Variants in FOXN3 observed in about 807,000 individuals in gnomAD.
The protein encoded by FOXN3 is forkhead box N3, also known as forkhead box protein N3.
Under a neutral mutation model 38.4 loss-of-function variants are expected in FOXN3, and 7 were observed. The observed-to-expected ratio is 0.18, with a 90% CI of 0.10 to 0.34. The LOEUF (loss-of-function observed/expected upper bound fraction) is 0.34. Among genes scored for constraint, FOXN3 ranks in the 10% least tolerant of loss-of-function variants. The pLI, the probability that FOXN3 is intolerant of heterozygous loss-of-function variation, is 1.00. For missense variants in FOXN3, 456 were observed against 613.4 expected (o/e 0.74, Z 2.71); for synonymous variants, 230 against 242.2 (o/e 0.95, Z 0.47).
intron 3 of FOXN3, among the ~76,000 whole-genome samples, chr14:89,292,846 G>T (rs938531727): frequency 6.6e-6 from 1 of 152,018 alleles, no homozygotes; most frequent in African/African-American, 2.4e-5. Flanking sequence ...CCTCTCCACC[G>T]CACGACCTCC....
intron 4 of FOXN3, among the ~76,000 whole-genome samples, chr14:89,192,530 T>A (rs1887983086): frequency 1.6e-5 from 2 of 128,764 alleles, no homozygotes; most frequent in South Asian, 5.1e-4. Flanking sequence ...TTTATAATAG[T>A]TGTATATAAC....
chr14:89,169,389 T>G (rs1283120539), intron 5 of FOXN3, among the ~76,000 whole-genome samples: 3 of 152,094 alleles, frequency 2.0e-5, no homozygotes, highest in Non-Finnish European at 4.4e-5. Flanking sequence ...TGCAGTGAGC[T>G]GTGTTCGTGC....
At chr14:89,357,594 G>A (rs1351883829) in intron 2 of FOXN3, among the ~76,000 whole-genome samples, 1 of 151,768 alleles carries the variant, frequency 6.6e-6, no homozygotes, top group African/African-American at 2.4e-5. Flanking sequence ...GGAAACAAGA[G>A]TGAAACTCCA....
At chr14:89,252,349 G>A (rs1596132560) in intron 4 of FOXN3, among the ~76,000 whole-genome samples, 1 of 152,216 alleles carries the variant, frequency 6.6e-6, no homozygotes, top group East Asian at 1.9e-4. Context: ...CGAATTCATT[G>A]CAGTACTTAA....
In FOXN3 at chr14:89,375,022, G is replaced by A. The variant is rs548203561; in HGVS notation, c.544-24214C>T. Among the ~76,000 whole-genome samples, 60 of 151,108 alleles carry A rather than the reference G, an allele frequency of 4.0e-4. No individual in the cohort carries two copies. In the East Asian group the frequency reaches 4.3e-3, roughly 11 times the overall value. Reference sequence around the variant, plus strand: ...TACTATGTTATGATTGCATTAATACGAAATTCTAGAAAAAAACTAATCTAC... The same window carrying A: ...TACTATGTTATGATTGCATTAATACAAAATTCTAGAAAAAAACTAATCTAC... On this transcript the variant is annotated intron_variant, in intron 2 of 5. Coordinates refer to ENST00000557258, the MANE Select transcript of FOXN3 (RefSeq NM_005197.4).
intron 5 of FOXN3, among the ~76,000 whole-genome samples, chr14:89,174,616 G>A (rs560761258): frequency 2.6e-5 from 4 of 152,162 alleles, no homozygotes; most frequent in African/African-American, 4.8e-5. Flanking sequence ...AGGCATTAAC[G>A]AACGTCATTG....
chr14:89,354,209 GCTTT>G (rs1252563077), intron 2 of FOXN3, among the ~76,000 whole-genome samples: 1 of 151,746 alleles, frequency 6.6e-6, no homozygotes, highest in Non-Finnish European at 1.5e-5. Context: ...AATATGGAAT[GCTTT>G]TTTTGTTTGG....
chr14:89,324,066 GCCA>G (rs771000587), intron 3 of FOXN3, among the ~76,000 whole-genome samples: 22 of 152,264 alleles, frequency 1.4e-4, no homozygotes, highest in Non-Finnish European at 2.8e-4. Context: ...CAACATCTAA[GCCA>G]CCACCATGTG....
chr14:89,365,653 C>T (rs773064220), intron 2 of FOXN3, among the ~76,000 whole-genome samples: 3 of 152,156 alleles, frequency 2.0e-5, no homozygotes. Flanking sequence ...CATCGCATGA[C>T]ATAGGCTGAC....
At chr14:89,509,111 C>T (rs1398414858) in intron 1 of FOXN3, among the ~76,000 whole-genome samples, 2 of 152,074 alleles carry the variant, frequency 1.3e-5, no homozygotes, top group African/African-American at 4.8e-5. Flanking sequence ...ACCCTGACCT[C>T]CCTGATAGTC....
intron 3 of FOXN3, among the ~76,000 whole-genome samples, chr14:89,300,428 T>C (rs1887182285): frequency 6.6e-6 from 1 of 152,176 alleles, no homozygotes. Flanking sequence ...GTGATCCACC[T>C]GCCTCGGCCT....
At chr14:89,524,119 AATCCC>A (rs1894377936) in intron 1 of FOXN3, among the ~76,000 whole-genome samples, 1 of 146,564 alleles carries the variant, frequency 6.8e-6, no homozygotes, top group Admixed American at 6.7e-5. Context: ...TCACGCCTGT[AATCCC>A]AGCACTTTGG....
At chr14:89,596,110 A>G (rs941956500) in intron 1 of FOXN3, among the ~76,000 whole-genome samples, 4 of 152,044 alleles carry the variant, frequency 2.6e-5, no homozygotes, top group Non-Finnish European at 5.9e-5. Context: ...TTTTGTTTAG[A>G]ATTTTATTTA....
intron 4 of FOXN3, among the ~76,000 whole-genome samples, chr14:89,214,149 T>C (rs1180573210): frequency 7.6e-6 from 1 of 132,102 alleles, no homozygotes; most frequent in Admixed American, 7.9e-5. Context: ...TTAAAATACC[T>C]ACCAACCAGT....
chr14:89,469,238 A>G (rs1189224907), intron 1 of FOXN3, among the ~76,000 whole-genome samples: 1 of 152,156 alleles, frequency 6.6e-6, no homozygotes, highest in Non-Finnish European at 1.5e-5. Flanking sequence ...GATCACCCTA[A>G]GATGCCCAGA....
chr14:89,619,033 A>T (rs1004348605), exon 1 of FOXN3: 2 of 152,464 alleles, frequency 1.3e-5, no homozygotes, highest in African/African-American at 4.8e-5. Context: ...GTTACCTTCG[A>T]TCGCCTGCCC....
chr14:89,500,593 TGCC>T (rs1218325652), intron 1 of FOXN3, among the ~76,000 whole-genome samples: 1 of 152,140 alleles, frequency 6.6e-6, no homozygotes, highest in Non-Finnish European at 1.5e-5. Flanking sequence ...GCTGGGGGTG[TGCC>T]CCTATCCAAC....
intron 1 of FOXN3, among the ~76,000 whole-genome samples, chr14:89,560,005 A>G (rs1009929102): frequency 6.6e-6 from 1 of 152,188 alleles, no homozygotes; most frequent in Non-Finnish European, 1.5e-5. Flanking sequence ...GGTAGTTTAT[A>G]AAGAAAAGAG....
chr14:89,527,319 G>C (rs1246321314), intron 1 of FOXN3, among the ~76,000 whole-genome samples: 2 of 152,252 alleles, frequency 1.3e-5, no homozygotes, highest in African/African-American at 2.4e-5. Context: ...TCTTGCATTA[G>C]GCAAATACCT....
Sources: gnomAD v4.1 joint callset for allele counts (sites outside exome capture counted in the v4.1 genomes callset) on GRCh38, gnomAD v4.1.1 for gene constraint, MANE v1.5 for transcripts, NCBI Gene and HGNC (gene_info 2026-07-23, HGNC 2026-07-21) for gene names.